WIPF1: variants seen among roughly 807,000 people sequenced by gnomAD.
The protein encoded by WIPF1 is WAS/WASL interacting protein family member 1.
A neutral mutation model predicts 35.4 loss-of-function variants in WIPF1; 13 were observed. That is an observed-to-expected ratio of 0.37 (90% CI 0.24 to 0.58). The LOEUF is 0.58. WIPF1 is among the 20% of genes least tolerant of loss of function. WIPF1 has a pLI of 0.74. For missense variants in WIPF1, 591 were observed against 667.0 expected (o/e 0.89, Z 1.25); for synonymous variants, 267 against 266.3 (o/e 1.00, Z -0.02).
chr2:174,578,151 T>C (rs1685121614), intron 3 of WIPF1, among the ~76,000 whole-genome samples: 1 of 152,178 alleles, frequency 6.6e-6, no homozygotes, highest in African/African-American at 2.4e-5. Flanking sequence ...ACCCACTAGA[T>C]GTCAGTAGCA....
At position 174,631,773 on chromosome 2, in the gene WIPF1, G is replaced by A. The variant is rs181467182; in HGVS notation, c.-38-46162C>T. On this transcript the variant is annotated intron_variant, in intron 1 of 8. Coordinates refer to the WIPF1 transcript ENST00000272746. ...GCCAACTCAAAACGATACCAAGGAT[G>A]AGTTCAGTTGTAAAAGTTGCACTTA... 1.1e-3 allele frequency among the ~76,000 whole-genome samples: 170 copies of A among 152,308 alleles called. 1 individual carries two copies. The highest frequency in any genetic ancestry group is 2.2e-3 in the Admixed American group (33 of 15,302).
chr2:174,658,979 T>A (rs531642067), intron 1 of WIPF1, among the ~76,000 whole-genome samples: 4 of 152,144 alleles, frequency 2.6e-5, no homozygotes, highest in African/African-American at 9.7e-5. Flanking sequence ...TCTGTTTCAA[T>A]ATCTGGAAAA....
rs1684892345 is a variant in WIPF1 at position 174,572,280 on chromosome 2, G to A, written c.525C>T (p.Asp175=). 1.9e-6 allele frequency: 3 copies of A among 1,614,110 alleles called. No individual in the cohort carries two copies. Among genetic ancestry groups the A allele is most frequent in the Non-Finnish European group, 2.5e-6 (3 of 1,180,022 alleles). ...QRNRMPPPRP[D]VGSKPDSIPP... is the part of the protein sequence containing the mutation. ...GAATGCTATCAGGCTTTGAGCCCAC[G>A]TCGGGCCTTGGGGGCGGCATTCGGT... Residue 175 remains aspartate, a synonymous_variant, in exon 5 of 8, where the codon GAC becomes GAT. Coordinates refer to ENST00000679041, the MANE Select transcript of WIPF1 (RefSeq NM_001375834.1).
chr2:174,659,997 G>T (rs1687723734), intron 1 of WIPF1, among the ~76,000 whole-genome samples: 1 of 152,164 alleles, frequency 6.6e-6, no homozygotes, highest in Non-Finnish European at 1.5e-5. Flanking sequence ...CCTGGATGTG[G>T]ATGGTAATTT....
At position 174,571,994 on chromosome 2, in the gene WIPF1, C is replaced by G. The variant is rs1684870740; in HGVS notation, c.811G>C (p.Val271Leu). ...CTGTGGATGGAGGGCCTGTTGCCCA[C>G]TGGAGGAGGTGGTGGAGGGGGTTTG... is the stretch of plus-strand genomic sequence containing the variant. The part of the protein sequence containing the change: ...DDKPPPPPPP[V>L]GNRPSIHREA... Residue 271 changes from valine (V) to leucine (L), a missense_variant, in exon 5 of 8, where the codon GTG becomes CTG. Transcript: ENST00000679041. The surrounding 1 kb of genome is among the most constrained non-coding windows in gnomAD (Gnocchi z 4.6). 1 of 1,550,484 alleles carries G rather than the reference C, an allele frequency of 6.4e-7. No individual in the cohort carries two copies. Among genetic ancestry groups the G allele is most frequent in the Non-Finnish European group, 8.7e-7 (1 of 1,151,426 alleles).
intron 2 of WIPF1, among the ~76,000 whole-genome samples, chr2:174,583,293 T>C (rs763305835): frequency 2.6e-5 from 4 of 152,242 alleles, no homozygotes; most frequent in Middle Eastern, 3.2e-3. Flanking sequence ...CTCTTAACAT[T>C]ACCTGCTGTC....
rs1022755004 is a variant in WIPF1, at chr2:174,571,285, T to A, written c.1129+391A>T. On this transcript the variant is annotated intron_variant, in intron 5 of 7. Coordinates refer to ENST00000679041, the MANE Select transcript of WIPF1 (RefSeq NM_001375834.1). The surrounding 1 kb of genome is among the most constrained non-coding windows in gnomAD (Gnocchi z 4.6). ...TGAAGAACTTCCCCTCTTGTTGGAA[T>A]AACAGAGCCCTCCTGCGGGAGGTGG... The A allele has an allele frequency of 4.5e-6, 2 of 442,794 alleles. No homozygotes were observed. The highest frequency in any genetic ancestry group is 4.0e-5 in the African/African-American group (2 of 49,824). 27.4% of individuals were successfully genotyped at this position (442,794 alleles called of 1,614,324 possible). A position where few individuals can be genotyped will look rare whatever the true frequency, so the allele number is the denominator to read the frequency against.
rs1685583889 is a variant in WIPF1, at chr2:174,590,991, G to A, written c.-38-5380C>T. Reference sequence around the variant, plus strand: ...TGAATTCCTGACCCTCAGGACCTCAGAAGGCAACTGTATTTGGAGATAGGG... The same window carrying A: ...TGAATTCCTGACCCTCAGGACCTCAAAAGGCAACTGTATTTGGAGATAGGG... On this transcript the variant is annotated intron_variant, in intron 1 of 7. Coordinates refer to ENST00000679041, the MANE Select transcript of WIPF1 (RefSeq NM_001375834.1). The surrounding 1 kb of genome is among the most constrained non-coding windows in gnomAD (Gnocchi z 4.6). 6.6e-6 allele frequency among the ~76,000 whole-genome samples: 1 copy of A among 152,198 alleles called. No individual in the cohort carries two copies. Among genetic ancestry groups the A allele is most frequent in the African/African-American group, 2.4e-5 (1 of 41,442 alleles).
chr2:174,575,391 A>G lies in WIPF1; in HGVS notation c.182-11T>C. ...CAGCTCCTTTAGGTTCTGTAGAAGA[A>G]GAGACACCCGACAGACTATGCCCCC... On this transcript the variant is annotated splice_polypyrimidine_tract_variant and intron_variant, in intron 3 of 7. Transcript: ENST00000679041. The G allele has an allele frequency of 6.2e-7, 1 of 1,601,450 alleles. No homozygotes were observed. The highest frequency in any genetic ancestry group is 8.5e-7 in the Non-Finnish European group (1 of 1,173,154).
At chr2:174,659,746 G>A (rs1191703012) in intron 1 of WIPF1, among the ~76,000 whole-genome samples, 1 of 152,186 alleles carries the variant, frequency 6.6e-6, no homozygotes, top group Non-Finnish European at 1.5e-5. Flanking sequence ...CACTAAGGTT[G>A]ACTAAAAGCA....
At chr2:174,591,476 T>C (rs1685605103) in intron 1 of WIPF1, among the ~76,000 whole-genome samples, 1 of 152,120 alleles carries the variant, frequency 6.6e-6, no homozygotes, top group Non-Finnish European at 1.5e-5. Context: ...AGTATGTAAG[T>C]GACTGCCAAA....
intron 1 of WIPF1, among the ~76,000 whole-genome samples, chr2:174,595,088 CAAAAA>C (rs57521272): frequency 3.9e-4 from 2 of 5,070 alleles, no homozygotes; most frequent in African/African-American, 5.2e-4. Context: ...CTCATCTCTA[CAAAAA>C]AAAAAAAAAA....
chr2:174,577,033 A>AT (rs1284149721), intron 3 of WIPF1, among the ~76,000 whole-genome samples: 1 of 152,058 alleles, frequency 6.6e-6, no homozygotes, highest in Non-Finnish European at 1.5e-5. Context: ...TGTCTTCTGG[A>AT]TTTTTTGGCA....
intron 1 of WIPF1, among the ~76,000 whole-genome samples, chr2:174,653,699 G>A (rs111703974): frequency 1.2e-4 from 17 of 141,622 alleles, no homozygotes; most frequent in South Asian, 8.8e-4. Context: ...CCGAGATCAC[G>A]CCACTGCACT....
upstream of WIPF1, among the ~76,000 whole-genome samples, chr2:174,600,224 A>G (rs2105879383): frequency 6.6e-6 from 1 of 152,298 alleles, no homozygotes; most frequent in South Asian, 2.1e-4. Flanking sequence ...TATGTCACCT[A>G]GAAGGCTGCA....
intron 3 of WIPF1, among the ~76,000 whole-genome samples, chr2:174,578,841 T>C (rs1355830356): frequency 2.6e-5 from 4 of 152,254 alleles, no homozygotes; most frequent in African/African-American, 7.2e-5. Context: ...TAGAAGTGTA[T>C]GCAAAATTGT....
intron 1 of WIPF1, among the ~76,000 whole-genome samples, chr2:174,644,664 T>C (rs1687364961): frequency 6.6e-6 from 1 of 152,142 alleles, no homozygotes; most frequent in African/African-American, 2.4e-5. Context: ...TTCCAGTCAC[T>C]AAAAGCCATC....
intron 1 of WIPF1, among the ~76,000 whole-genome samples, chr2:174,650,776 C>A (rs1032619382): frequency 6.6e-6 from 1 of 152,214 alleles, no homozygotes; most frequent in Non-Finnish European, 1.5e-5. Context: ...ATTCAATGTG[C>A]GCATGAGCTC....
intron 1 of WIPF1, among the ~76,000 whole-genome samples, chr2:174,650,058 G>A (rs1306270853): frequency 6.6e-6 from 1 of 152,152 alleles, no homozygotes; most frequent in Non-Finnish European, 1.5e-5. Context: ...AAGTAAAGAT[G>A]AGTATTTGGG....
Sources: allele counts gnomAD v4.1 joint callset (sites outside exome capture counted in the v4.1 genomes callset), GRCh38; gene constraint gnomAD v4.1.1; non-coding constraint Gnocchi (gnomAD v3.1); transcripts MANE v1.5; gene names NCBI Gene and HGNC (gene_info 2026-07-23, HGNC 2026-07-21).